The following ZNF790 variants were observed in gnomAD, a reference collection of about 807,000 sequenced individuals.
The protein encoded by ZNF790 is zinc finger protein 790.
In ZNF790, 8 loss-of-function variants were observed where a neutral mutation model predicts 12.1. The observed-to-expected ratio is 0.66, with a 90% CI of 0.39 to 1.19. The LOEUF (loss-of-function observed/expected upper bound fraction) is 1.19. Ranked by LOEUF, ZNF790 falls within the 50% of genes most tolerant of loss-of-function variation. The pLI, the probability that ZNF790 is intolerant of heterozygous loss-of-function variation, is 0.01. For missense variants in ZNF790, 707 were observed against 752.2 expected (o/e 0.94, Z 0.70); for synonymous variants, 252 against 244.3 (o/e 1.03, Z -0.29).
At chr19:36,823,633 A>G (rs749451054) in intron 3 of ZNF790, 34 bp downstream of exon 3, 1 of 1,594,468 alleles carries the variant, frequency 6.3e-7, no homozygotes, top group East Asian at 2.2e-5. Flanking sequence ...CAATACAGAA[A>G]GCAGGAATTT....
Position 36,818,250 on chromosome 19 carries a change from C to G in ZNF790, c.*183G>C. The G allele has an allele frequency of 8.2e-6, 4 of 488,742 alleles. No homozygotes were observed. Among genetic ancestry groups the G allele is most frequent in the Non-Finnish European group, 1.4e-5 (4 of 294,576 alleles). The allele number at this position is 488,742 out of a possible 1,614,324, so 30.3% of individuals were successfully genotyped here. A position where few individuals can be genotyped will look rare whatever the true frequency, so the allele number is the denominator to read the frequency against. Reference sequence around the variant, plus strand: ...GCAATTGATAACTGATCAGTAATTTCTTTCCTATATTGATTGCATGATGAA... The same window carrying G: ...GCAATTGATAACTGATCAGTAATTTGTTTCCTATATTGATTGCATGATGAA... On this transcript the variant is annotated 3_prime_UTR_variant, in exon 5 of 5. Coordinates refer to ENST00000356725, the MANE Select transcript of ZNF790 (RefSeq NM_206894.4).
At chr19:36,826,265 A>G (rs963418369) in intron 1 of ZNF790, among the ~76,000 whole-genome samples, 1 of 152,080 alleles carries the variant, frequency 6.6e-6, no homozygotes, top group Admixed American at 6.6e-5. Flanking sequence ...GCGAGTAGTC[A>G]GTGTTGTGAA....
chr19:36,825,301 A>G (rs977268533), intron 2 of ZNF790, among the ~76,000 whole-genome samples: 16 of 152,240 alleles, frequency 1.1e-4, no homozygotes, highest in Admixed American at 6.5e-4. Context: ...TAATTATTCT[A>G]TCCCCTCTTG....
intron 1 of ZNF790, among the ~76,000 whole-genome samples, chr19:36,847,882 T>C (rs2072194970): frequency 1.3e-5 from 2 of 152,240 alleles, no homozygotes; most frequent in South Asian, 4.1e-4. Context: ...TTCTGACATG[T>C]GGGGACACAG....
At position 36,818,875 on chromosome 19, in the gene ZNF790, C is replaced by G; in HGVS notation, c.1469G>C (p.Gly490Ala). 6.2e-7 allele frequency: 1 copy of G among 1,613,142 alleles called. No individual in the cohort carries two copies. Among genetic ancestry groups the G allele is most frequent in the Non-Finnish European group, 8.5e-7 (1 of 1,179,796 alleles). The change falls in exon 5 of 5, where the codon GGT (glycine) becomes GCT (alanine). Residue 490 changes from glycine (G) to alanine (A), a missense_variant. By Grantham distance (60) the Gly-to-Ala change is moderately conservative. Coordinates refer to ENST00000356725, the MANE Select transcript of ZNF790 (RefSeq NM_206894.4). ...CKECGKTFFR[G>A]SELNRHQKIH... ...TTTCTGGTGTCGATTAAGTTCTGAA[C>G]CACGAAAAAAGGTCTTTCCACATTC...
intron 1 of ZNF790, among the ~76,000 whole-genome samples, chr19:36,828,501 G>C (rs2071879327): frequency 6.6e-6 from 1 of 151,820 alleles, no homozygotes; most frequent in African/African-American, 2.4e-5. Flanking sequence ...TTTAGGGACA[G>C]TGTCTCAAAC....
intron 1 of ZNF790, among the ~76,000 whole-genome samples, chr19:36,837,388 A>ATCT (rs1157333389): frequency 6.6e-6 from 1 of 152,062 alleles, no homozygotes; most frequent in Non-Finnish European, 1.5e-5. Context: ...GCCTCTTACC[A>ATCT]GTGGGTCTGA....
rs1471479574 is a variant in ZNF790 at position 36,845,748 on chromosome 19, A to G, written c.-74+4254T>C. On this transcript the variant is annotated intron_variant, in intron 1 of 4. Transcript: ENST00000528994. ...AATGGATCCACCTTTGGCTTTGCAG[A>G]AAATGACAGTGCAATATGACAGCAC... 2.0e-5 allele frequency among the ~76,000 whole-genome samples: 3 copies of G among 152,202 alleles called. No individual in the cohort carries two copies. The East Asian group carries it at 5.8e-4, about 29-fold the overall frequency.
At chr19:36,833,367 T>C (rs989182068) in intron 1 of ZNF790, among the ~76,000 whole-genome samples, 2 of 152,214 alleles carry the variant, frequency 1.3e-5, no homozygotes, top group African/African-American at 2.4e-5. Context: ...GGTCTCGAAC[T>C]CCTGACCTCA....
rs979234750 is a variant in ZNF790, at chr19:36,818,352, G to A, written c.*81C>T. ...GCCTTCCAATATTACTTACATTTGT[G>A]GTGTTCCTCAAGAGAAAAAAATAAA... On this transcript the variant is annotated 3_prime_UTR_variant, in exon 5 of 5. Coordinates refer to ENST00000356725, the MANE Select transcript of ZNF790 (RefSeq NM_206894.4). 25 of 1,342,994 alleles carry A rather than the reference G, an allele frequency of 1.9e-5. No homozygotes were observed. The highest frequency in any genetic ancestry group is 2.5e-5 in the Non-Finnish European group (25 of 1,003,800). The allele number at this position is 1,342,994 out of a possible 1,614,324, so 83.2% of individuals were successfully genotyped here. A position where few individuals can be genotyped will look rare whatever the true frequency, so the allele number is the denominator to read the frequency against.
intron 1 of ZNF790, among the ~76,000 whole-genome samples, chr19:36,848,699 AGAAG>A (rs2072205121): frequency 6.6e-6 from 1 of 152,140 alleles, no homozygotes; most frequent in African/African-American, 2.4e-5. Context: ...TTAATAGGCA[AGAAG>A]GAAGGGAGAA....
rs575633017 is a variant in ZNF790 at position 36,818,596 on chromosome 19, T to G, written c.1748A>C (p.His583Pro). 1.2e-6 allele frequency: 2 copies of G among 1,611,268 alleles called. No individual in the cohort carries two copies. Among genetic ancestry groups the G allele is most frequent in the Non-Finnish European group, 1.7e-6 (2 of 1,177,842 alleles). ...CCATTCACAGAGATTTGCACTATTA[T>G]GAATTTTTTGTTCAGTAAAATATGA... ...HHSYFTEQKI[H>P]NSANLCEWTD... The change falls in exon 5 of 5, where the codon CAT (histidine) becomes CCT (proline). Residue 583 changes from histidine to proline, a missense_variant. Transcript: ENST00000356725.
At position 36,825,671 on chromosome 19, in the gene ZNF790, G is replaced by T; in HGVS notation, c.-52C>A. Reference sequence around the variant, plus strand: ...CTTCTCTGGATTCTTTCTTGGTGAGGCAGCGTGCTGGGAAAGCAGAGCTAG... The same window carrying T: ...CTTCTCTGGATTCTTTCTTGGTGAGTCAGCGTGCTGGGAAAGCAGAGCTAG... On this transcript the variant is annotated 5_prime_UTR_variant, in exon 2 of 5. Transcript: ENST00000356725. 1 of 1,604,500 alleles carries T rather than the reference G, an allele frequency of 6.2e-7. No homozygotes were observed. The highest frequency in any genetic ancestry group is 8.5e-7 in the Non-Finnish European group (1 of 1,171,190).
rs758842364 is a variant in ZNF790, at chr19:36,818,497, G to T, written c.1847C>A (p.Ser616Tyr). Residue 616 changes from serine to tyrosine, a missense_variant, in exon 5 of 5, where the codon TCC (serine) becomes TAC (tyrosine). Ser to Tyr is a moderately radical substitution (Grantham distance 144). Coordinates refer to ENST00000356725, the MANE Select transcript of ZNF790 (RefSeq NM_206894.4). ...QHQNIYTFEK[S>Y]YEFKDFEKAF... ...TTTCTCAAAATCTTTAAATTCATAG[G>T]ATTTCTCAAAAGTGTAAATATTCTG... is the stretch of plus-strand genomic sequence containing the variant. 1.3e-6 allele frequency: 2 copies of T among 1,584,600 alleles called. No homozygotes were observed. Among genetic ancestry groups the T allele is most frequent in the South Asian group, 2.3e-5 (2 of 88,090 alleles).
At chr19:36,839,035 C>G (rs1051484807), upstream of ZNF790, among the ~76,000 whole-genome samples, 2 of 152,218 alleles carry the variant, frequency 1.3e-5, no homozygotes, top group Non-Finnish European at 2.9e-5. Flanking sequence ...TTCCTAATAC[C>G]TTATTCCCAT....
intron 1 of ZNF790, among the ~76,000 whole-genome samples, chr19:36,832,227 G>T (rs1210587634): frequency 6.6e-6 from 1 of 152,158 alleles, no homozygotes; most frequent in Non-Finnish European, 1.5e-5. Context: ...TAGTGATGCT[G>T]AACATATTTA....
At position 36,823,354 on chromosome 19, in the gene ZNF790, A is replaced by G. The variant is rs1384359141; in HGVS notation, c.160T>C (p.Phe54Leu). ...LGFCIYQPEA[F>L]SLLEKGKEPW... is the part of the protein sequence containing the mutation. Reference sequence around the variant, plus strand: ...TCTTTCCCTTTCTCCAATAAAGAGAACGCTTCTGGCTGATAAATGCAAAAA... The same window carrying G: ...TCTTTCCCTTTCTCCAATAAAGAGAGCGCTTCTGGCTGATAAATGCAAAAA... Residue 54 changes from phenylalanine to leucine, a missense_variant, in exon 4 of 5, where the codon TTC becomes CTC. Coordinates refer to ENST00000356725, the MANE Select transcript of ZNF790 (RefSeq NM_206894.4). 6.2e-7 allele frequency: 1 copy of G among 1,613,982 alleles called. No individual in the cohort carries two copies. The highest frequency in any genetic ancestry group is 1.3e-5 in the African/African-American group (1 of 74,910).
chr19:36,821,403 A>G lies in ZNF790; in HGVS notation c.230-1289T>C, dbSNP rs112857129. Among the ~76,000 whole-genome samples the G allele has an allele frequency of 3.8e-3, 571 of 152,200 alleles. 3 individuals carry two copies. The highest frequency in any genetic ancestry group is 0.013 in the African/African-American group (553 of 41,540). Reference sequence around the variant, plus strand: ...GAGCTCTTAATTTTTCATATTATAAAAAGGAATAAAACATCACTTTGCAGA... The same window carrying G: ...GAGCTCTTAATTTTTCATATTATAAGAAGGAATAAAACATCACTTTGCAGA... On this transcript the variant is annotated intron_variant, in intron 4 of 4. Coordinates refer to ENST00000356725, the MANE Select transcript of ZNF790 (RefSeq NM_206894.4).
At chr19:36,822,309 G>A (rs937703829) in intron 4 of ZNF790, among the ~76,000 whole-genome samples, 3 of 151,778 alleles carry the variant, frequency 2.0e-5, no homozygotes, top group African/African-American at 4.8e-5. Flanking sequence ...AGAATTTTAC[G>A]AAAATTAAAT....
Sources: allele counts gnomAD v4.1 joint callset (sites outside exome capture counted in the v4.1 genomes callset), GRCh38; gene constraint gnomAD v4.1.1; transcripts MANE v1.5; gene names NCBI Gene and HGNC (gene_info 2026-07-23, HGNC 2026-07-21).